Variants in TMEM232 observed in about 807,000 individuals in gnomAD.
The protein encoded by TMEM232 is transmembrane protein 232.
Under a neutral mutation model 78.8 loss-of-function variants are expected in TMEM232, and 80 were observed. That is an observed-to-expected ratio of 1.01 (90% confidence interval 0.85 to 1.22). The LOEUF (loss-of-function observed/expected upper bound fraction) is 1.22. Among genes scored for constraint, TMEM232 ranks in the 50% most tolerant of loss-of-function variants. TMEM232 has a pLI of 0.00. For synonymous variants in TMEM232, 297 were observed against 254.3 expected, an observed-to-expected ratio of 1.17 and a Z score of -1.60; for missense variants, 881 against 742.2, an observed-to-expected ratio of 1.19 and a Z score of -2.17.
At chr5:110,492,197 G>A (rs939448583) in intron 12 of TMEM232, among the ~76,000 whole-genome samples, 19 of 151,126 alleles carry the variant, frequency 1.3e-4, no homozygotes, top group African/African-American at 4.6e-4. Flanking sequence ...AAAACTTAAA[G>A]TATAATAATA....
At chr5:110,611,069 T>C (rs1782213709) in intron 8 of TMEM232, among the ~76,000 whole-genome samples, 1 of 152,078 alleles carries the variant, frequency 6.6e-6, no homozygotes, top group Non-Finnish European at 1.5e-5. Context: ...TTTATAAATA[T>C]GACCAAATAA....
chr5:110,486,142 G>A (rs1198298467), intron 12 of TMEM232, among the ~76,000 whole-genome samples: 1 of 150,716 alleles, frequency 6.6e-6, no homozygotes, highest in Admixed American at 6.6e-5. Flanking sequence ...GTCTATTCAT[G>A]TCCTTAGCCC....
At chr5:110,528,503 T>G in intron 12 of TMEM232, 85 bp downstream of exon 12, 1 of 1,348,318 alleles carries the variant, frequency 7.4e-7, no homozygotes, top group East Asian at 2.6e-5. Flanking sequence ...CTGAGTTAAA[T>G]GATGTGGCAC....
At chr5:110,630,884 G>A (rs578226732) in intron 5 of TMEM232, among the ~76,000 whole-genome samples, 21 of 151,968 alleles carry the variant, frequency 1.4e-4, no homozygotes, top group Non-Finnish European at 1.8e-4. Context: ...GGCAGAGCTC[G>A]TCTACCCACA....
intron 10 of TMEM232, among the ~76,000 whole-genome samples, chr5:110,600,209 G>A (rs137991286): frequency 0.025 from 3,745 of 152,036 alleles, 47 homozygotes; most frequent in African/African-American, 0.031. Flanking sequence ...ATCAGAAAGC[G>A]GGGAAGATCT....
chr5:110,704,690 T>C (rs1183891815), intron 1 of TMEM232, among the ~76,000 whole-genome samples: 1 of 152,156 alleles, frequency 6.6e-6, no homozygotes, highest in Non-Finnish European at 1.5e-5. Context: ...ACTAGCCCAG[T>C]GCTCCTACAG....
chr5:110,710,345 A>G (rs1796341007), intron 1 of TMEM232, among the ~76,000 whole-genome samples: 1 of 152,142 alleles, frequency 6.6e-6, no homozygotes, highest in Non-Finnish European at 1.5e-5. Flanking sequence ...CACTGTACTC[A>G]AACTATTCCA....
intron 7 of TMEM232, among the ~76,000 whole-genome samples, chr5:110,619,846 A>T (rs983302204): frequency 2.0e-5 from 3 of 152,164 alleles, no homozygotes; most frequent in Non-Finnish European, 2.9e-5. Context: ...CAGCACACCA[A>T]GATGGCACAT....
chr5:110,454,543 T>C (rs1457543317), intron 12 of TMEM232, among the ~76,000 whole-genome samples: 1 of 151,604 alleles, frequency 6.6e-6, no homozygotes, highest in Admixed American at 6.6e-5. Context: ...TGACTAAATA[T>C]TTGGAAGTAA....
intron 6 of TMEM232, 180 bp from the exon 7 acceptor site, chr5:110,625,613 G>A (rs1405418606): frequency 2.5e-5 from 10 of 404,476 alleles, no homozygotes; most frequent in Non-Finnish European, 4.2e-5. Flanking sequence ...AATACTAGAC[G>A]GTAAATAATT....
intron 13 of TMEM232, among the ~76,000 whole-genome samples, chr5:110,422,010 T>C (rs1448730093): frequency 1.3e-5 from 2 of 152,196 alleles, no homozygotes; most frequent in Non-Finnish European, 2.9e-5. Context: ...ACCTCCAGAA[T>C]AGTCAGGCAC....
chr5:110,628,347 T>C (rs1784677646), intron 5 of TMEM232, among the ~76,000 whole-genome samples: 1 of 152,148 alleles, frequency 6.6e-6, no homozygotes. Flanking sequence ...CAAAACAGTT[T>C]GAGAACCATT....
At chr5:110,674,657 T>C (rs1044290315) in intron 1 of TMEM232, among the ~76,000 whole-genome samples, 9 of 152,198 alleles carry the variant, frequency 5.9e-5, no homozygotes, top group Non-Finnish European at 8.8e-5. Context: ...GCACTTTATA[T>C]TGCTAAGACT....
chr5:110,680,936 GCAA>G (rs1416086171), intron 1 of TMEM232, among the ~76,000 whole-genome samples: 3 of 151,984 alleles, frequency 2.0e-5, no homozygotes. Flanking sequence ...AGAAGAATCT[GCAA>G]AGAGAAAGGA....
At chr5:110,481,832 A>G (rs1192598863) in intron 12 of TMEM232, among the ~76,000 whole-genome samples, 2 of 152,156 alleles carry the variant, frequency 1.3e-5, no homozygotes, top group Non-Finnish European at 2.9e-5. Context: ...ACCAGTAAGT[A>G]TAAGAACACA....
intron 1 of TMEM232, among the ~76,000 whole-genome samples, chr5:110,694,682 C>G (rs183656114): frequency 6.6e-6 from 1 of 150,444 alleles, no homozygotes; most frequent in Non-Finnish European, 1.5e-5. Flanking sequence ...AGACTTTAAA[C>G]CAACAAAGAT....
At chr5:110,691,126 C>T (rs532093940) in intron 1 of TMEM232, among the ~76,000 whole-genome samples, 1 of 138,554 alleles carries the variant, frequency 7.2e-6, no homozygotes, top group African/African-American at 2.7e-5. Context: ...CACATGTATC[C>T]CAGAACTTAA....
chr5:110,629,217 C>T (rs1294553420), intron 5 of TMEM232, among the ~76,000 whole-genome samples: 1 of 151,730 alleles, frequency 6.6e-6, no homozygotes, highest in Non-Finnish European at 1.5e-5. Flanking sequence ...TAATATTTTT[C>T]AAGGACTAGA....
intron 1 of TMEM232, among the ~76,000 whole-genome samples, chr5:110,696,558 A>C (rs924219450): frequency 8.5e-5 from 13 of 152,154 alleles, no homozygotes; most frequent in South Asian, 4.1e-4. Flanking sequence ...AAAACCCCAT[A>C]GTCTCAGCCC....
Sources: gnomAD v4.1 joint callset for allele counts (sites outside exome capture counted in the v4.1 genomes callset) on GRCh38, gnomAD v4.1.1 for gene constraint, MANE v1.5 for transcripts, NCBI Gene and HGNC (gene_info 2026-07-23, HGNC 2026-07-21) for gene names.